Variants in MYO10 observed in about 807,000 individuals in gnomAD.
The protein encoded by MYO10 is myosin X.
Under a neutral mutation model 257.3 loss-of-function variants are expected in MYO10, and 133 were observed. The ratio of observed to expected loss-of-function variants is 0.52; its 90% CI spans 0.45 to 0.60. The LOEUF (loss-of-function observed/expected upper bound fraction) is 0.60. Among genes scored for constraint, MYO10 ranks in the 20% least tolerant of loss-of-function variants. The pLI, the probability that MYO10 is intolerant of heterozygous loss-of-function variation, is 0.00. For synonymous variants in MYO10, 1,104 were observed against 1,028.6 expected, an observed-to-expected ratio of 1.07 and a Z score of -1.40; for missense variants, 2,399 against 2,635.7, an observed-to-expected ratio of 0.91 and a Z score of 1.97.
At chr5:16,725,490 T>A (rs945783723) in intron 19 of MYO10, among the ~76,000 whole-genome samples, 3 of 152,188 alleles carry the variant, frequency 2.0e-5, no homozygotes, top group Non-Finnish European at 4.4e-5. Flanking sequence ...CTGAGCACTT[T>A]ACATGTGCCC....
intron 19 of MYO10, among the ~76,000 whole-genome samples, chr5:16,729,535 TC>T (rs1169731722): frequency 2.0e-5 from 3 of 151,792 alleles, no homozygotes; most frequent in Non-Finnish European, 4.4e-5. Flanking sequence ...CACTGCAAGT[TC>T]TGCCTCCCGG....
rs529008220 is a variant in MYO10 at position 16,913,704 on chromosome 5, A to G, written c.21+22084T>C. 4.6e-5 allele frequency among the ~76,000 whole-genome samples: 7 copies of G among 152,302 alleles called. No individual in the cohort carries two copies. The South Asian group carries it at 1.4e-3, about 32-fold the overall frequency. On this transcript the variant is annotated intron_variant, in intron 1 of 40. Coordinates refer to ENST00000513610, the MANE Select transcript of MYO10 (RefSeq NM_012334.3). ...TTGGGTGTGGCTAGGAGCCTGCAAC[A>G]TCTTGAGTCAGAACAAGAGAGACAA...
At chr5:16,768,543 G>GT (rs1740946374) in intron 10 of MYO10, among the ~76,000 whole-genome samples, 6 of 151,760 alleles carry the variant, frequency 4.0e-5, no homozygotes, top group African/African-American at 1.5e-4. Flanking sequence ...GAAAATGGCT[G>GT]CTATCCCAAT....
rs534636323 is a variant in MYO10, at chr5:16,718,565, T to C, written c.1930-7320A>G. ...CTGGTGAGGACGTGGAGAACCTTTA[T>C]GTCTAGCTCAGGGACTGTAAACACA... On this transcript the variant is annotated intron_variant, in intron 19 of 40. Coordinates refer to ENST00000513610, the MANE Select transcript of MYO10 (RefSeq NM_012334.3). Among the ~76,000 whole-genome samples, 6 of 151,416 alleles carry C rather than the reference T, an allele frequency of 4.0e-5. No homozygotes were observed. In the South Asian group the frequency reaches 1.0e-3, roughly 26 times the overall value.
rs367952629 is a variant in MYO10, at chr5:16,701,467, G to C, written c.2928C>G (p.Cys976Trp). 4.3e-6 allele frequency: 7 copies of C among 1,613,814 alleles called. No homozygotes were observed. The highest frequency in any genetic ancestry group is 5.9e-6 in the Non-Finnish European group (7 of 1,179,908). The part of the protein sequence containing the change: ...EFSSELAESA[C>W]EEKPNFNFSQ... ...TGAAGTTGAAGTTGGGCTTCTCCTC[G>C]CATGCGCTCTCAGCCAGCTCGCTGG... The change falls in exon 25 of 41, where the codon TGC becomes TGG. Residue 976 changes from cysteine (C) to tryptophan (W), a missense_variant. This residue lies in a region of MYO10 where 1,820 missense variants were observed against 1,939.4 expected (regional missense o/e 0.94). Transcript: ENST00000513610. The surrounding 1 kb of genome is among the most constrained non-coding windows in gnomAD (Gnocchi z 8.1).
intron 3 of MYO10, among the ~76,000 whole-genome samples, chr5:16,804,584 A>G (rs1323321631): frequency 6.6e-6 from 1 of 152,166 alleles, no homozygotes; most frequent in African/African-American, 2.4e-5. Flanking sequence ...CAAGAAAGAC[A>G]AATTATGGTC....
intron 19 of MYO10, among the ~76,000 whole-genome samples, chr5:16,731,560 G>A (rs1490165364): frequency 6.6e-6 from 1 of 151,768 alleles, no homozygotes; most frequent in Non-Finnish European, 1.5e-5. Context: ...TGTTGGCCAG[G>A]CTGGTCTCTA....
chr5:16,875,122 A>G (rs537108566), intron 2 of MYO10, among the ~76,000 whole-genome samples: 2 of 152,306 alleles, frequency 1.3e-5, no homozygotes, highest in South Asian at 4.1e-4. Context: ...GGGAATTCTG[A>G]GAGATACAAT....
chr5:16,865,117 G>A (rs1489300731), intron 2 of MYO10, among the ~76,000 whole-genome samples: 1 of 152,014 alleles, frequency 6.6e-6, no homozygotes, highest in East Asian at 1.9e-4. Context: ...TGATTGAAGT[G>A]AATTCCAAGA....
intron 9 of MYO10, 28 bp from the exon 10 acceptor site, chr5:16,769,231 T>G: frequency 6.4e-7 from 1 of 1,561,240 alleles, no homozygotes; most frequent in Admixed American, 2.0e-5. Flanking sequence ...TATTTAATTT[T>G]ATGTCGTTTT....
At chr5:16,669,420 G>A (rs1736337129) in intron 39 of MYO10, among the ~76,000 whole-genome samples, 1 of 152,006 alleles carries the variant, frequency 6.6e-6, no homozygotes, top group South Asian at 2.1e-4. Context: ...TAGCCAGGAT[G>A]GTCTCGATCT....
chr5:16,794,919 AG>A (rs1741891299), intron 3 of MYO10, 86 bp from the exon 4 acceptor site: 38 of 378,018 alleles, frequency 1.0e-4, no homozygotes, highest in Non-Finnish European at 1.4e-4. Context: ...AGTGTGCGCC[AG>A]GGGGAAAGAC....
chr5:16,683,769 C>A, intron 30 of MYO10, 111 bp downstream of exon 30: 2 of 1,059,710 alleles, frequency 1.9e-6, no homozygotes, highest in Non-Finnish European at 2.8e-6. Context: ...GAACACACAG[C>A]CTTGCGTGAT....
intron 20 of MYO10, 23 bp from the exon 21 acceptor site, chr5:16,711,045 G>T: frequency 3.7e-6 from 6 of 1,613,672 alleles, no homozygotes; most frequent in Non-Finnish European, 5.1e-6. Context: ...GACACACAGG[G>T]TCACCTTCTG....
chr5:16,903,389 C>T (rs1201588041), intron 1 of MYO10, among the ~76,000 whole-genome samples: 2 of 152,128 alleles, frequency 1.3e-5, no homozygotes, highest in African/African-American at 2.4e-5. Flanking sequence ...AGCCTGGCGA[C>T]AGAGCAAGAC....
intron 3 of MYO10, chr5:16,815,232 T>A (rs1580021307): frequency 8.1e-6 from 4 of 493,154 alleles, no homozygotes; most frequent in East Asian, 3.3e-5. Flanking sequence ...AGATTGAGCA[T>A]CCCTTGTGTG....
chr5:16,727,193 C>A (rs1455584475), intron 19 of MYO10, among the ~76,000 whole-genome samples: 2 of 151,900 alleles, frequency 1.3e-5, no homozygotes, highest in African/African-American at 4.8e-5. Flanking sequence ...ACAAAAAAAA[C>A]AATTTTTTTT....
In MYO10 at chr5:16,812,935, T is replaced by TA. The variant is rs543664467; in HGVS notation, c.279+5073_279+5074insT. On this transcript the variant is annotated intron_variant, in intron 3 of 40. Transcript: ENST00000513610. ...TATTCTGGGTGCTTTTATTTTTTTT[T>TA]TTTTTTTATCACTTTCTACCCCATT... Among the ~76,000 whole-genome samples, 355 of 152,122 alleles carry TA rather than the reference T, an allele frequency of 2.3e-3. 3 individuals are homozygous for TA. The highest frequency in any genetic ancestry group is 6.6e-3 in the African/African-American group (276 of 41,520).
At chr5:16,858,920 T>G (rs1744037729) in intron 2 of MYO10, among the ~76,000 whole-genome samples, 1 of 152,062 alleles carries the variant, frequency 6.6e-6, no homozygotes, top group Non-Finnish European at 1.5e-5. Context: ...AGTATGCCAC[T>G]GTACTCCAGC....
Sources: gnomAD v4.1 joint callset for allele counts (sites outside exome capture counted in the v4.1 genomes callset) on GRCh38, gnomAD v4.1.1 for gene constraint, gnomAD v4.1.1 regional missense constraint, Gnocchi (gnomAD v3.1) non-coding constraint, MANE v1.5 for transcripts, NCBI Gene and HGNC (gene_info 2026-07-23, HGNC 2026-07-21) for gene names.